The following TBC1D22B variants were observed in gnomAD, a reference collection of about 807,000 sequenced individuals.
TBC1D22B encodes chromosome 6 open reading frame 197.
Under a neutral mutation model 69.1 loss-of-function variants are expected in TBC1D22B, and 32 were observed. That is an observed-to-expected ratio of 0.46 (90% CI 0.35 to 0.62). TBC1D22B has a LOEUF of 0.62. Among genes scored for constraint, TBC1D22B ranks in the 20% least tolerant of loss-of-function variants. The pLI is 0.00. For synonymous variants in TBC1D22B, 206 were observed against 229.8 expected (o/e 0.90, Z 0.94); for missense variants, 462 against 630.9 (o/e 0.73, Z 2.87).
intron 12 of TBC1D22B, among the ~76,000 whole-genome samples, chr6:37,328,835 T>G (rs1581641173): frequency 6.6e-6 from 1 of 152,150 alleles, no homozygotes; most frequent in African/African-American, 2.4e-5. Flanking sequence ...GAAGCAGTTC[T>G]CCTGCCTCAG....
intron 12 of TBC1D22B, 106 bp from the exon 13 acceptor site, chr6:37,330,938 G>A: frequency 4.3e-6 from 5 of 1,175,546 alleles, no homozygotes; most frequent in South Asian, 4.1e-5. Flanking sequence ...AGATGTGTGA[G>A]CCAGGAGGAA....
At chr6:37,303,253 A>G (rs139605329) in intron 8 of TBC1D22B, among the ~76,000 whole-genome samples, 94 of 152,246 alleles carry the variant, frequency 6.2e-4, no homozygotes, top group African/African-American at 2.2e-3. Context: ...TGCTATTCTT[A>G]GGCTCCTCAG....
intron 8 of TBC1D22B, among the ~76,000 whole-genome samples, chr6:37,304,303 T>C (rs1767647260): frequency 6.6e-6 from 1 of 152,208 alleles, no homozygotes; most frequent in South Asian, 2.1e-4. Context: ...TAGGTATTTA[T>C]TCAAGGAAAA....
At chr6:37,275,255 C>G (rs1766632638) in intron 2 of TBC1D22B, among the ~76,000 whole-genome samples, 1 of 152,158 alleles carries the variant, frequency 6.6e-6, no homozygotes, top group African/African-American at 2.4e-5. Context: ...TTACAAGGAG[C>G]CCATGCCTAG....
Position 37,317,092 on chromosome 6 carries a change from C to A in TBC1D22B, c.1294-19C>A. On this transcript the variant is annotated intron_variant, in intron 11 of 12. Transcript: ENST00000373491. ...TTTGTCAGGGCTGGGAGACCTAACT[C>A]TATTTTTCTGCTTCCCAGTCTGAAC... is the stretch of plus-strand genomic sequence containing the variant. The A allele has an allele frequency of 6.4e-7, 1 of 1,557,022 alleles. No individual in the cohort carries two copies. The highest frequency in any genetic ancestry group is 2.4e-5 in the East Asian group (1 of 41,666).
intron 8 of TBC1D22B, among the ~76,000 whole-genome samples, chr6:37,312,625 A>G (rs1035080256): frequency 3.9e-5 from 6 of 152,226 alleles, no homozygotes; most frequent in African/African-American, 1.2e-4. Context: ...ATCATTTTCT[A>G]AAACTGAACG....
chr6:37,284,467 A>G lies in TBC1D22B; in HGVS notation c.801+3A>G. On this transcript the variant is annotated splice_donor_region_variant and intron_variant, in intron 6 of 12. Transcript: ENST00000373491. ...ATCACCAGGATACCTACAGACAGGT[A>G]CAGTCACCACCTGCTGCCTCTTTGC... The G allele has an allele frequency of 6.4e-7, 1 of 1,570,664 alleles. No individual in the cohort carries two copies. Among genetic ancestry groups the G allele is most frequent in the Non-Finnish European group, 8.6e-7 (1 of 1,161,102 alleles).
intron 12 of TBC1D22B, among the ~76,000 whole-genome samples, chr6:37,330,128 T>C (rs1768538094): frequency 6.6e-6 from 1 of 152,184 alleles, no homozygotes; most frequent in South Asian, 2.1e-4. Context: ...ATTTGGCTGT[T>C]TGCCTTCTTT....
chr6:37,321,407 A>G (rs1202398716), intron 12 of TBC1D22B, among the ~76,000 whole-genome samples: 2 of 152,010 alleles, frequency 1.3e-5, no homozygotes, highest in Non-Finnish European at 2.9e-5. Flanking sequence ...CTTCTTCCCC[A>G]TCTCTCCCCC....
At chr6:37,302,099 C>T (rs1221147319) in intron 8 of TBC1D22B, among the ~76,000 whole-genome samples, 1 of 152,226 alleles carries the variant, frequency 6.6e-6, no homozygotes, top group African/African-American at 2.4e-5. Flanking sequence ...CCTGAGCCTG[C>T]TTCATGCTTT....
At chr6:37,326,978 G>A (rs1171393350) in intron 12 of TBC1D22B, among the ~76,000 whole-genome samples, 3 of 152,208 alleles carry the variant, frequency 2.0e-5, no homozygotes, top group Non-Finnish European at 4.4e-5. Context: ...AAGAGAGCCT[G>A]CCTAACTTAG....
At chr6:37,299,855 A>G (rs1446972103) in intron 8 of TBC1D22B, among the ~76,000 whole-genome samples, 1 of 152,032 alleles carries the variant, frequency 6.6e-6, no homozygotes, top group Non-Finnish European at 1.5e-5. Flanking sequence ...CCAAAAATAC[A>G]CAAATTAGCC....
chr6:37,306,269 C>G (rs1227179123), intron 8 of TBC1D22B, among the ~76,000 whole-genome samples: 6 of 152,168 alleles, frequency 3.9e-5, no homozygotes, highest in Admixed American at 3.9e-4. Context: ...GCTCTCTGTC[C>G]CTCATCTGAC....
chr6:37,312,607 C>A (rs553290687), intron 8 of TBC1D22B, among the ~76,000 whole-genome samples: 5 of 152,094 alleles, frequency 3.3e-5, no homozygotes, highest in Non-Finnish European at 7.4e-5. Flanking sequence ...GAACATGAGA[C>A]CTGAAGTATC....
At position 37,282,263 on chromosome 6, in the gene TBC1D22B, T is replaced by C; in HGVS notation, c.500T>C (p.Ile167Thr). Residue 167 changes from isoleucine (I) to threonine (T), a missense_variant, in exon 4 of 13, where the codon ATC becomes ACC. Physicochemically the swap from Ile to Thr is moderately conservative, Grantham distance 89. Coordinates refer to ENST00000373491, the MANE Select transcript of TBC1D22B (RefSeq NM_017772.4). ...CCCATCATCCCCCTCGTTGCCCGGATCTCGGATCAGAACGCTTCTGGGGCC... is the reference window on the plus strand; with the variant it reads ...CCCATCATCCCCCTCGTTGCCCGGACCTCGGATCAGAACGCTTCTGGGGCC... ...LRPIIPLVAR[I>T]SDQNASGAPP... The C allele has an allele frequency of 6.2e-7, 1 of 1,614,112 alleles. No individual in the cohort carries two copies. Among genetic ancestry groups the C allele is most frequent in the Non-Finnish European group, 8.5e-7 (1 of 1,180,018 alleles).
intron 8 of TBC1D22B, among the ~76,000 whole-genome samples, chr6:37,308,599 C>T (rs1341379261): frequency 5.9e-5 from 9 of 152,150 alleles, no homozygotes; most frequent in Non-Finnish European, 1.0e-4. Flanking sequence ...GTCTGTTGTT[C>T]CCTTTGCTCC....
In TBC1D22B at chr6:37,331,086, G is replaced by A; in HGVS notation, c.1432G>A (p.Gly478Ser). 1.2e-6 allele frequency: 2 copies of A among 1,614,096 alleles called. No individual in the cohort carries two copies. The highest frequency in any genetic ancestry group is 1.7e-6 in the Non-Finnish European group (2 of 1,180,004). Residue 478 changes from glycine (G) to serine (S), a missense_variant, in exon 13 of 13, where the codon GGC becomes AGC. Physicochemically the swap from Gly to Ser is moderately conservative, Grantham distance 56. This residue lies in a region of TBC1D22B where 225 missense variants were observed against 375.4 expected (regional missense o/e 0.60). Coordinates refer to ENST00000373491, the MANE Select transcript of TBC1D22B (RefSeq NM_017772.4). Reference protein sequence around the residue: ...LLQNLPTIHWGNEEIGLLLAE... With the variant: ...LLQNLPTIHWSNEEIGLLLAE... ...ACAGAACCTACCTACAATACACTGG[G>A]GCAACGAAGAAATTGGGCTGCTTCT... is the stretch of plus-strand genomic sequence containing the variant.
At chr6:37,270,532 A>G (rs1409844811) in intron 2 of TBC1D22B, among the ~76,000 whole-genome samples, 3 of 152,234 alleles carry the variant, frequency 2.0e-5, no homozygotes. Flanking sequence ...ATTATTTTCA[A>G]GCACAACAGA....
intron 8 of TBC1D22B, among the ~76,000 whole-genome samples, chr6:37,311,284 T>G (rs1445523592): frequency 1.3e-5 from 2 of 152,056 alleles, no homozygotes; most frequent in African/African-American, 4.8e-5. Flanking sequence ...GATGTTCATT[T>G]AAAAATGTCT....
Sources: allele counts gnomAD v4.1 joint callset (sites outside exome capture counted in the v4.1 genomes callset), GRCh38; gene constraint gnomAD v4.1.1; regional missense constraint gnomAD v4.1.1; transcripts MANE v1.5; gene names NCBI Gene and HGNC (gene_info 2026-07-23, HGNC 2026-07-21).